MKS1: variants seen among roughly 807,000 people sequenced by gnomAD.
MKS1 encodes the protein tectonic-like complex member MKS1.
Under a neutral mutation model 83.7 loss-of-function variants are expected in MKS1, and 70 were observed. That is an observed-to-expected ratio of 0.84 (90% CI 0.69 to 1.02). MKS1 has a LOEUF of 1.02. MKS1 is among the 50% of genes least tolerant of loss of function. The pLI is 0.00. For missense variants in MKS1, 681 were observed against 726.9 expected, an observed-to-expected ratio of 0.94 and a Z score of 0.73; for synonymous variants, 251 against 273.4, an observed-to-expected ratio of 0.92 and a Z score of 0.81.
intron 2 of MKS1, among the ~76,000 whole-genome samples, chr17:58,218,197 C>T (rs900664738): frequency 6.6e-6 from 1 of 152,078 alleles, no homozygotes. Flanking sequence ...GCCTGTAATC[C>T]CAGCACTTTG....
chr17:58,213,734 G>T (rs1420599250), intron 7 of MKS1, 31 bp downstream of exon 7: 1 of 1,530,560 alleles, frequency 6.5e-7, no homozygotes, highest in Admixed American at 1.7e-5. Flanking sequence ...AGGAATGCCA[G>T]TCTCCACTAC....
chr17:58,214,437 AC>A, intron 5 of MKS1, 50 bp from the exon 6 acceptor site: 1 of 1,611,720 alleles, frequency 6.2e-7, no homozygotes, highest in Non-Finnish European at 8.5e-7. Context: ...CCAATGGAGC[AC>A]CCCAGTGGAG....
intron 2 of MKS1, among the ~76,000 whole-genome samples, chr17:58,218,380 G>A (rs1339627221): frequency 1.3e-5 from 2 of 148,466 alleles, no homozygotes; most frequent in Admixed American, 6.8e-5. Flanking sequence ...CCCGGGAGGC[G>A]GAGCTTGCAG....
chr17:58,213,233 GGA>G (rs1968991235), intron 7 of MKS1, 143 bp from the exon 8 acceptor site: 4 of 800,494 alleles, frequency 5.0e-6, no homozygotes, highest in Non-Finnish European at 8.4e-6. Context: ...TTGACGACCA[GGA>G]GAGAGAAACA....
chr17:58,214,222 A>T (rs1235513172), intron 6 of MKS1, 37 bp downstream of exon 6: 2 of 1,613,874 alleles, frequency 1.2e-6, no homozygotes, highest in Middle Eastern at 1.7e-4. Context: ...GGAGAAAAGG[A>T]TGAGGCTCTA....
chr17:58,217,924 C>A (rs1017763363), intron 2 of MKS1, among the ~76,000 whole-genome samples: 2 of 152,176 alleles, frequency 1.3e-5, no homozygotes, highest in African/African-American at 2.4e-5. Context: ...AGGAACAGCT[C>A]TGAACAGAAA....
chr17:58,213,821 A>C lies in MKS1; in HGVS notation c.693T>G (p.Asp231Glu). The change falls in exon 7 of 18, where the codon GAT (aspartate) becomes GAG (glutamate). Residue 231 changes from aspartate (D) to glutamate (E), a missense_variant. Transcript: ENST00000393119. ...GCTTTACTGTGATCACACCATTGCT[A>C]TCCACCTTCAGAGTACACAGGACAT... is the stretch of plus-strand genomic sequence containing the variant. ...YEHVLCTLKV[D>E]SNGVITVKPD... 1 of 1,614,086 alleles carries C rather than the reference A, an allele frequency of 6.2e-7. No individual in the cohort carries two copies. The highest frequency in any genetic ancestry group is 8.5e-7 in the Non-Finnish European group (1 of 1,179,990).
At chr17:58,211,073 A>C (rs755000439) in intron 9 of MKS1, 51 bp from the exon 10 acceptor site, 14 of 1,583,672 alleles carry the variant, frequency 8.8e-6, no homozygotes, top group Non-Finnish European at 6.1e-6. Context: ...GGGAATTGGC[A>C]CTTCTCCTCC....
chr17:58,214,336 C>T lies in MKS1; in HGVS notation c.567G>A (p.Glu189=), dbSNP rs1969063172. ...SRIVTWEPSE[E]FVRNNHVINT... Reference sequence around the variant, plus strand: ...TAATGACGTGGTTGTTCCTGACAAACTCTTCTGAGGGCTCCCAGGTGACGA... The same window carrying T: ...TAATGACGTGGTTGTTCCTGACAAATTCTTCTGAGGGCTCCCAGGTGACGA... The change falls in exon 6 of 18, where the codon GAG becomes GAA. Residue 189 remains glutamate, a synonymous_variant. Coordinates refer to ENST00000393119, the MANE Select transcript of MKS1 (RefSeq NM_017777.4). The T allele has an allele frequency of 3.7e-6, 6 of 1,613,874 alleles. No individual in the cohort carries two copies. The highest frequency in any genetic ancestry group is 2.7e-5 in the African/African-American group (2 of 74,912).
chr17:58,216,594 C>T (rs1408540430), intron 3 of MKS1, 72 bp downstream of exon 3: 1 of 1,502,648 alleles, frequency 6.7e-7, no homozygotes, highest in African/African-American at 1.4e-5. Context: ...ATCACTTTGG[C>T]AATATGTATC....
At chr17:58,208,055 G>C (rs751734406) in intron 13 of MKS1, 50 bp downstream of exon 13, 2 of 1,607,220 alleles carry the variant, frequency 1.2e-6, no homozygotes, top group Non-Finnish European at 1.7e-6. Context: ...CCAAGAGACA[G>C]CACTGCTTGA....
chr17:58,208,577 G>C lies in MKS1; in HGVS notation c.1031C>G (p.Ser344Ter), dbSNP rs760971749. ...FFVELPTAHW[S>*]SPAFQQLSGV... ...TGAGAGCTGCTGGAATGCTGGGCTT[G>C]ACCAGTCTGAAAGCCAAAGACCAAA... The change falls in exon 12 of 18, where the codon TCA becomes TGA. Residue 344 changes from serine to a stop codon, truncating the protein, a stop_gained. Transcript: ENST00000393119. LOFTEE classifies it high-confidence loss of function. The C allele has an allele frequency of 1.9e-6, 3 of 1,614,176 alleles. No homozygotes were observed. Among genetic ancestry groups the C allele is most frequent in the East Asian group, 2.2e-5 (1 of 44,892 alleles).
At position 58,206,973 on chromosome 17, in the gene MKS1, G is replaced by C. The variant is rs368032467; in HGVS notation, c.1407+112C>G. On this transcript the variant is annotated intron_variant, in intron 15 of 17. Transcript: ENST00000393119. ...CCAGCTTAAGCCACAGGAAGGAAGGGGTTAATACTGAAGCAATGCACAACT... is the reference window on the plus strand; with the variant it reads ...CCAGCTTAAGCCACAGGAAGGAAGGCGTTAATACTGAAGCAATGCACAACT... 1.7e-5 allele frequency: 25 copies of C among 1,457,390 alleles called. No homozygotes were observed. The African/African-American group carries it at 3.5e-4, about 20-fold the overall frequency. The allele number at this position is 1,457,390 out of a possible 1,614,324, so 90.3% of individuals were successfully genotyped here. A position where few individuals can be genotyped will look rare whatever the true frequency, so the allele number is the denominator to read the frequency against.
chr17:58,212,427 C>G lies in MKS1; in HGVS notation c.866G>C (p.Gly289Ala). ...GCTGCTGAGATACTCCTTGTGCCGG[C>G]CATAAAGCTGAGGAAACAAACCAAA... Reference protein sequence around the residue: ...RERRVFKDLYGRHKEYLSSLV... With the variant: ...RERRVFKDLYARHKEYLSSLV... The change falls in exon 9 of 18, where the codon GGC becomes GCC. Residue 289 changes from glycine (G) to alanine (A), a missense_variant. By Grantham distance (60) the Gly-to-Ala change is moderately conservative. This residue lies in a region of MKS1 where 365 missense variants were observed against 383.8 expected (regional missense o/e 0.95). Transcript: ENST00000393119. 1.2e-6 allele frequency: 2 copies of G among 1,614,114 alleles called. No individual in the cohort carries two copies. Among genetic ancestry groups the G allele is most frequent in the Non-Finnish European group, 1.7e-6 (2 of 1,180,016 alleles).
chr17:58,219,002 T>C, intron 1 of MKS1, 149 bp downstream of exon 1: 4 of 1,171,982 alleles, frequency 3.4e-6, no homozygotes, highest in East Asian at 2.6e-5. Context: ...TGTGAGTGGA[T>C]GGGGGTACGG....
chr17:58,208,847 A>G (rs572180749), intron 11 of MKS1, among the ~76,000 whole-genome samples: 1 of 152,084 alleles, frequency 6.6e-6, no homozygotes, highest in East Asian at 1.9e-4. Context: ...GGTACTTGAG[A>G]TTAGGGAGTG....
chr17:58,210,391 G>C (rs1968803717), intron 11 of MKS1, among the ~76,000 whole-genome samples: 1 of 152,082 alleles, frequency 6.6e-6, no homozygotes. Flanking sequence ...AAGGATGAGG[G>C]GCCACCAGCG....
At position 58,206,355 on chromosome 17, in the gene MKS1, G is replaced by A; in HGVS notation, c.1516C>T (p.Gln506Ter). The change falls in exon 17 of 18, where the codon CAG (glutamine) becomes TAG (stop). Residue 506 changes from glutamine to a stop codon, truncating the protein, a stop_gained. Transcript: ENST00000393119. LOFTEE classifies it high-confidence loss of function. ...SRAFMESSSL[Q>*]KRMRSVLDRL... ...TCCAACACACTCCGCATCCTTTTCT[G>A]AAGGGAGCTCGATTCCATGAAGGCC... 6.2e-7 allele frequency: 1 copy of A among 1,614,084 alleles called. No individual in the cohort carries two copies. Among genetic ancestry groups the A allele is most frequent in the Non-Finnish European group, 8.5e-7 (1 of 1,180,016 alleles).
In MKS1 at chr17:58,216,111, CAG is replaced by C. The variant is rs386834047; in HGVS notation, c.392_393del (p.Ser131Ter). 1 of 1,614,088 alleles carries C rather than the reference CAG, an allele frequency of 6.2e-7. No individual in the cohort carries two copies. The highest frequency in any genetic ancestry group is 8.5e-7 in the Non-Finnish European group (1 of 1,180,034). Reference sequence around the variant, plus strand: ...ACCTCCTCCAAATTGGTGTATCTATCAGAGTCAGTGTAGGTAAAGATTCGTCG... The same window carrying C: ...ACCTCCTCCAAATTGGTGTATCTATCAGTCAGTGTAGGTAAAGATTCGTCG... ...KNRRIFTYTD[S>X]DRYTNLEEHC... On this transcript the variant is annotated frameshift_variant, in exon 4 of 18. Transcript: ENST00000393119. LOFTEE classifies it high-confidence loss of function.
Sources: gnomAD v4.1 joint callset for allele counts (sites outside exome capture counted in the v4.1 genomes callset) on GRCh38, gnomAD v4.1.1 for gene constraint, gnomAD v4.1.1 regional missense constraint, MANE v1.5 for transcripts, NCBI Gene and HGNC (gene_info 2026-07-23, HGNC 2026-07-21) for gene names.